GALNT17: variants seen among roughly 807,000 people sequenced by gnomAD.
The protein encoded by GALNT17 is UDP-GalNAc:polypeptide N-acetylgalactosaminyltransferase-like 3.
A neutral mutation model predicts 63.7 loss-of-function variants in GALNT17; 29 were observed. The ratio of observed to expected loss-of-function variants is 0.46; its 90% CI spans 0.34 to 0.62. The LOEUF is 0.62. GALNT17 is among the 20% of genes least tolerant of loss of function. GALNT17 has a pLI of 0.01. For missense variants in GALNT17, 603 were observed against 799.6 expected, an observed-to-expected ratio of 0.75 and a Z score of 2.97; for synonymous variants, 305 against 318.3, an observed-to-expected ratio of 0.96 and a Z score of 0.45.
chr7:71,586,380 G>C (rs535728711), intron 6 of GALNT17, among the ~76,000 whole-genome samples: 9 of 152,326 alleles, frequency 5.9e-5, no homozygotes, highest in African/African-American at 2.2e-4. Context: ...CGTTTACTGA[G>C]AAGTATTCCT....
At chr7:71,387,655 G>A (rs1792971308) in intron 2 of GALNT17, among the ~76,000 whole-genome samples, 1 of 152,134 alleles carries the variant, frequency 6.6e-6, no homozygotes, top group African/African-American at 2.4e-5. Flanking sequence ...GAGATTTAGG[G>A]GGTGGAGTAA....
At chr7:71,355,186 T>C (rs539229995) in intron 2 of GALNT17, among the ~76,000 whole-genome samples, 6 of 152,318 alleles carry the variant, frequency 3.9e-5, no homozygotes, top group South Asian at 2.1e-4. Flanking sequence ...CTCTGACTTA[T>C]TGAGTTCTGC....
At chr7:71,245,169 C>T (rs573685754) in intron 1 of GALNT17, among the ~76,000 whole-genome samples, 2 of 152,218 alleles carry the variant, frequency 1.3e-5, no homozygotes, top group South Asian at 4.1e-4. Flanking sequence ...TGCCCTCGTC[C>T]TCCATCCACT....
intron 1 of GALNT17, among the ~76,000 whole-genome samples, chr7:71,192,152 G>A (rs1012152295): frequency 5.3e-5 from 8 of 152,052 alleles, no homozygotes; most frequent in African/African-American, 1.2e-4. Context: ...GATGAAGGCC[G>A]GAAGACTCAG....
At chr7:71,260,102 G>A (rs1790359491) in intron 1 of GALNT17, among the ~76,000 whole-genome samples, 1 of 152,130 alleles carries the variant, frequency 6.6e-6, no homozygotes, top group African/African-American at 2.4e-5. Context: ...AGGCCATCCT[G>A]GACTTGCAAT....
intron 9 of GALNT17, among the ~76,000 whole-genome samples, chr7:71,689,980 A>C (rs1328721047): frequency 4.6e-5 from 7 of 151,612 alleles, no homozygotes. Context: ...CAGAGCTTGG[A>C]TATCAGTGCA....
chr7:71,579,683 T>G (rs958921249), intron 6 of GALNT17, among the ~76,000 whole-genome samples: 2 of 152,190 alleles, frequency 1.3e-5, no homozygotes, highest in Admixed American at 1.3e-4. Flanking sequence ...CTGAGGACCT[T>G]GGGAGTTCAG....
intron 5 of GALNT17, among the ~76,000 whole-genome samples, chr7:71,431,705 A>AT (rs1231435817): frequency 1.3e-5 from 2 of 151,878 alleles, no homozygotes. Flanking sequence ...GCTGGAGGAG[A>AT]TTTTTACCGG....
At chr7:71,209,270 C>T (rs965773196) in intron 1 of GALNT17, among the ~76,000 whole-genome samples, 1 of 152,212 alleles carries the variant, frequency 6.6e-6, no homozygotes, top group Non-Finnish European at 1.5e-5. Flanking sequence ...TTAGCAGTCT[C>T]TTCCTCAGGT....
At chr7:71,205,073 A>G (rs1789245227) in intron 1 of GALNT17, among the ~76,000 whole-genome samples, 2 of 151,364 alleles carry the variant, frequency 1.3e-5, no homozygotes, top group African/African-American at 4.8e-5. Context: ...ATGTTTTATT[A>G]TCAGTGTACA....
At chr7:71,447,893 A>G (rs1787187753) in intron 5 of GALNT17, among the ~76,000 whole-genome samples, 1 of 152,192 alleles carries the variant, frequency 6.6e-6, no homozygotes, top group South Asian at 2.1e-4. Context: ...AGAGCTCCCC[A>G]GGGTGCTATG....
At chr7:71,228,458 A>C (rs1253192224) in intron 1 of GALNT17, among the ~76,000 whole-genome samples, 1 of 152,186 alleles carries the variant, frequency 6.6e-6, no homozygotes, top group East Asian at 1.9e-4. Flanking sequence ...TAAGGCCTTC[A>C]AACAACAGAA....
At chr7:71,420,697 G>A (rs910116879) in intron 4 of GALNT17, among the ~76,000 whole-genome samples, 1 of 152,182 alleles carries the variant, frequency 6.6e-6, no homozygotes, top group Admixed American at 6.5e-5. Context: ...CAAGGGGAAA[G>A]GGGTGCGCTG....
chr7:71,668,630 A>G (rs949490079), intron 7 of GALNT17, among the ~76,000 whole-genome samples: 1 of 152,088 alleles, frequency 6.6e-6, no homozygotes, highest in Non-Finnish European at 1.5e-5. Context: ...TGACATTTAA[A>G]GGGATTTCCC....
intron 1 of GALNT17, among the ~76,000 whole-genome samples, chr7:71,201,241 T>TTATATATATATATATATATATATA (rs760770848): frequency 2.9e-5 from 4 of 138,378 alleles, no homozygotes; most frequent in African/African-American, 8.5e-5. Context: ...GTGTTTATTT[T>TTATATATATATATATATATATATA]TATATATATA....
intron 6 of GALNT17, among the ~76,000 whole-genome samples, chr7:71,602,383 C>G (rs1057374618): frequency 2.6e-5 from 4 of 152,148 alleles, no homozygotes; most frequent in African/African-American, 9.7e-5. Context: ...GCACACACCC[C>G]AAAACAGATT....
At chr7:71,305,416 A>G (rs561292998) in intron 1 of GALNT17, among the ~76,000 whole-genome samples, 3 of 152,282 alleles carry the variant, frequency 2.0e-5, no homozygotes, top group African/African-American at 7.2e-5. Context: ...TCTTGTTTTC[A>G]ACTAACCCAC....
At chr7:71,443,267 T>C (rs1787100540) in intron 5 of GALNT17, among the ~76,000 whole-genome samples, 2 of 152,052 alleles carry the variant, frequency 1.3e-5, no homozygotes, top group African/African-American at 4.8e-5. Flanking sequence ...GGCTTCTGGG[T>C]ACGTGGGGAG....
intron 2 of GALNT17, among the ~76,000 whole-genome samples, chr7:71,343,348 A>G (rs1792038321): frequency 6.6e-6 from 1 of 152,238 alleles, no homozygotes; most frequent in Non-Finnish European, 1.5e-5. Flanking sequence ...TTGCAATTTT[A>G]AACAGAACCT....
Sources: allele counts gnomAD v4.1 joint callset (sites outside exome capture counted in the v4.1 genomes callset), GRCh38; gene constraint gnomAD v4.1.1; transcripts MANE v1.5; gene names NCBI Gene and HGNC (gene_info 2026-07-23, HGNC 2026-07-21).